Variants in NEK7 observed in about 807,000 individuals in gnomAD.
The protein encoded by NEK7 is serine/threonine-protein kinase Nek7.
NEK7 carries 18 observed loss-of-function variants against 44.6 expected under a neutral mutation model. The ratio of observed to expected loss-of-function variants is 0.40; its 90% CI spans 0.28 to 0.60. NEK7 has a LOEUF of 0.60. Among genes scored for constraint, NEK7 ranks in the 20% least tolerant of loss-of-function variants. The pLI is 0.38. For missense variants in NEK7, 256 were observed against 366.5 expected, an observed-to-expected ratio of 0.70 and a Z score of 2.46; for synonymous variants, 130 against 121.1, an observed-to-expected ratio of 1.07 and a Z score of -0.48.
intron 2 of NEK7, among the ~76,000 whole-genome samples, chr1:198,249,731 G>T (rs928844768): frequency 2.1e-5 from 3 of 145,426 alleles, no homozygotes; most frequent in Admixed American, 6.9e-5. Context: ...TTTTGATGGG[G>T]TTGTTTGTTT....
At chr1:198,192,080 C>A (rs1665095415) in intron 1 of NEK7, among the ~76,000 whole-genome samples, 1 of 151,884 alleles carries the variant, frequency 6.6e-6, no homozygotes, top group African/African-American at 2.4e-5. Context: ...CTCCTTTTTT[C>A]ATATTTTAGA....
intron 1 of NEK7, among the ~76,000 whole-genome samples, chr1:198,195,695 C>T (rs1020257823): frequency 1.3e-5 from 2 of 152,042 alleles, no homozygotes; most frequent in Admixed American, 6.5e-5. Context: ...TGTGGTGGTG[C>T]ACATCTGTAA....
At chr1:198,215,649 T>G (rs959481577) in intron 1 of NEK7, among the ~76,000 whole-genome samples, 1 of 152,050 alleles carries the variant, frequency 6.6e-6, no homozygotes, top group African/African-American at 2.4e-5. Context: ...CAAATAAGTA[T>G]TGATTTCAGG....
intron 1 of NEK7, among the ~76,000 whole-genome samples, chr1:198,189,199 T>C (rs928023830): frequency 4.6e-5 from 7 of 152,288 alleles, no homozygotes; most frequent in Middle Eastern, 3.4e-3. Context: ...ATTAGTGTCA[T>C]ATAGGAAAAG....
chr1:198,298,670 C>G (rs753344377), intron 9 of NEK7, among the ~76,000 whole-genome samples: 76 of 152,194 alleles, frequency 5.0e-4, no homozygotes, highest in Non-Finnish European at 9.4e-4. Flanking sequence ...ATGTCAGGGG[C>G]CTTTCTTTGT....
intron 5 of NEK7, among the ~76,000 whole-genome samples, chr1:198,273,482 A>T (rs1356668722): frequency 3.3e-5 from 5 of 151,762 alleles, no homozygotes; most frequent in Admixed American, 3.3e-4. Context: ...ATACTTCCAG[A>T]AGCATCCTAT....
intron 1 of NEK7, among the ~76,000 whole-genome samples, chr1:198,193,019 A>G (rs888152584): frequency 6.6e-6 from 1 of 151,516 alleles, no homozygotes; most frequent in Admixed American, 6.6e-5. Flanking sequence ...CAATGAATCC[A>G]GGAGCGGTTT....
intron 1 of NEK7, among the ~76,000 whole-genome samples, chr1:198,174,557 A>T (rs906693393): frequency 6.6e-6 from 1 of 152,032 alleles, no homozygotes; most frequent in Non-Finnish European, 1.5e-5. Flanking sequence ...GTTATGACTA[A>T]CTCAGGTCCT....
At chr1:198,181,902 A>G (rs1172060599) in intron 1 of NEK7, among the ~76,000 whole-genome samples, 6 of 151,966 alleles carry the variant, frequency 3.9e-5, no homozygotes, top group Non-Finnish European at 8.8e-5. Context: ...TGAAGGAGAA[A>G]CTTCATTAAA....
intron 1 of NEK7, among the ~76,000 whole-genome samples, chr1:198,205,059 A>T (rs1375345341): frequency 6.6e-6 from 1 of 152,142 alleles, no homozygotes; most frequent in South Asian, 2.1e-4. Context: ...TTCTTCTCCT[A>T]CTTCCACTAA....
rs753873003 is a variant in NEK7 at position 198,264,132 on chromosome 1, A to G, written c.269A>G (p.Asn90Ser). Residue 90 changes from asparagine (N) to serine (S), a missense_variant, in exon 5 of 10, where the codon AAC becomes AGC. By Grantham distance (46) the Asn-to-Ser change is conservative. Transcript: ENST00000367385. ...IKEIDLLKQL[N>S]HPNVIKYYAS... is the part of the protein sequence containing the mutation. ...CCTGTTTTATTTTCTCAGCAACTCA[A>G]CCATCCAAATGTAATAAAATATTAT... The G allele has an allele frequency of 4.7e-5, 75 of 1,585,502 alleles. No homozygotes were observed. The highest frequency in any genetic ancestry group is 3.9e-4 in the Admixed American group (21 of 53,970).
At chr1:198,201,961 G>A (rs1297552742) in intron 1 of NEK7, among the ~76,000 whole-genome samples, 3 of 152,224 alleles carry the variant, frequency 2.0e-5, no homozygotes, top group African/African-American at 7.2e-5. Context: ...AATAAACTGT[G>A]TGGCAATCAC....
chr1:198,303,371 A>G (rs996046771), intron 9 of NEK7, among the ~76,000 whole-genome samples: 1 of 152,130 alleles, frequency 6.6e-6, no homozygotes, highest in Non-Finnish European at 1.5e-5. Flanking sequence ...ATTTATAAAT[A>G]ATTTTTGTTT....
At chr1:198,234,951 GCT>G (rs1666504953) in intron 2 of NEK7, among the ~76,000 whole-genome samples, 1 of 152,246 alleles carries the variant, frequency 6.6e-6, no homozygotes, top group South Asian at 2.1e-4. Flanking sequence ...AAACGTTACT[GCT>G]CTCAGTAGCA....
chr1:198,175,614 G>C (rs188044087), intron 1 of NEK7, among the ~76,000 whole-genome samples: 1 of 152,196 alleles, frequency 6.6e-6, no homozygotes, highest in African/African-American at 2.4e-5. Context: ...TTAGCTTAGT[G>C]AGCATGTGCT....
At chr1:198,207,463 C>A (rs1470494935) in intron 1 of NEK7, among the ~76,000 whole-genome samples, 2 of 152,098 alleles carry the variant, frequency 1.3e-5, no homozygotes, top group African/African-American at 4.8e-5. Context: ...GGAAACAATG[C>A]AGACCCCCCT....
At position 198,188,259 on chromosome 1, in the gene NEK7, C is replaced by A. The variant is rs147707809; in HGVS notation, c.-29+30983C>A. Among the ~76,000 whole-genome samples the A allele has an allele frequency of 2.6e-5, 4 of 152,234 alleles. No individual in the cohort carries two copies. The East Asian group carries it at 7.7e-4, about 29-fold the overall frequency. On this transcript the variant is annotated intron_variant, in intron 1 of 9. Coordinates refer to ENST00000367385, the MANE Select transcript of NEK7 (RefSeq NM_133494.3). ...GGTAACACAGTTTTAGAGGAAATGA[C>A]TAAGTAAGCTGATTAGCTTACCACA...
chr1:198,225,250 G>C (rs1666180756), intron 1 of NEK7, among the ~76,000 whole-genome samples: 1 of 101,788 alleles, frequency 9.8e-6, no homozygotes, highest in Non-Finnish European at 1.8e-5. Context: ...GAAGCGTGTA[G>C]GTTACAAAAA....
intron 1 of NEK7, chr1:198,206,999 G>A (rs571034417): frequency 6.6e-6 from 1 of 152,178 alleles, no homozygotes; most frequent in Admixed American, 6.5e-5. Context: ...ATAGTCAGGG[G>A]AAGGTAATGT....
Sources: allele counts gnomAD v4.1 joint callset (sites outside exome capture counted in the v4.1 genomes callset), GRCh38; gene constraint gnomAD v4.1.1; transcripts MANE v1.5; gene names NCBI Gene and HGNC (gene_info 2026-07-23, HGNC 2026-07-21).